The following LGSN variants were observed in gnomAD, a reference collection of about 807,000 sequenced individuals.
LGSN encodes lengsin.
A neutral mutation model predicts 19.5 loss-of-function variants in LGSN; 21 were observed. The observed-to-expected ratio is 1.07, with a 90% CI of 0.76 to 1.55. The LOEUF (loss-of-function observed/expected upper bound fraction) is 1.55, where lower values mean the gene tolerates loss of function less well. Among genes scored for constraint, LGSN ranks in the 40% most tolerant of loss-of-function variants. The pLI, the probability that LGSN is intolerant of heterozygous loss-of-function variation, is 0.00. For synonymous variants in LGSN, 257 were observed against 215.6 expected, an observed-to-expected ratio of 1.19 and a Z score of -1.68; for missense variants, 673 against 608.5, an observed-to-expected ratio of 1.11 and a Z score of -1.12.
chr6:63,386,254 T>G, the LGSN span, among the ~76,000 whole-genome samples: 1 of 152,174 alleles, frequency 6.6e-6, no homozygotes, highest in African/African-American at 2.4e-5. Flanking sequence ...TAGAGCTTAA[T>G]CTATAATCCA....
chr6:63,453,181 T>G, the LGSN span, among the ~76,000 whole-genome samples: 2 of 152,172 alleles, frequency 1.3e-5, no homozygotes, highest in African/African-American at 4.8e-5. Flanking sequence ...TCAATTCAGT[T>G]AAGTTTAATG....
chr6:63,455,412 A>G, the LGSN span, among the ~76,000 whole-genome samples: 243 of 152,350 alleles, frequency 1.6e-3, 1 homozygote, highest in Non-Finnish European at 2.9e-3. Flanking sequence ...ATTTTAATAT[A>G]AATTCTCGTA....
At chr6:63,432,659 T>G in the LGSN span, among the ~76,000 whole-genome samples, 1 of 151,246 alleles carries the variant, frequency 6.6e-6, no homozygotes, top group East Asian at 1.9e-4. Flanking sequence ...ACCACTGCAC[T>G]GGAGCCTGGG....
At chr6:63,422,861 A>G in the LGSN span, among the ~76,000 whole-genome samples, 1 of 152,226 alleles carries the variant, frequency 6.6e-6, no homozygotes, top group Non-Finnish European at 1.5e-5. Context: ...TTCACTCCTA[A>G]TGTATCAATA....
chr6:63,453,104 T>A, the LGSN span, among the ~76,000 whole-genome samples: 9 of 152,302 alleles, frequency 5.9e-5, no homozygotes, highest in African/African-American at 2.2e-4. Context: ...TTTTAATATA[T>A]CTTTCTGTAA....
intron 2 of LGSN, chr6:63,293,701 TG>T: frequency 2.2e-6 from 1 of 455,906 alleles, no homozygotes; most frequent in South Asian, 1.6e-5. Flanking sequence ...CCAGGAACAT[TG>T]GTTGTTGTTC....
At chr6:63,350,849 A>C in the LGSN span, among the ~76,000 whole-genome samples, 1 of 152,066 alleles carries the variant, frequency 6.6e-6, no homozygotes, top group South Asian at 2.1e-4. Flanking sequence ...CATCTAAAAA[A>C]AAAAAAACAA....
chr6:63,422,995 T>C, the LGSN span, among the ~76,000 whole-genome samples: 4 of 152,172 alleles, frequency 2.6e-5, no homozygotes, highest in African/African-American at 9.6e-5. Flanking sequence ...AGTAAAATGA[T>C]AGAAAAAATA....
the LGSN span, among the ~76,000 whole-genome samples, chr6:63,387,330 C>T: frequency 5.3e-5 from 8 of 151,918 alleles, no homozygotes; most frequent in Non-Finnish European, 1.0e-4. Flanking sequence ...GAATACATAA[C>T]GATGCATTTT....
the LGSN span, among the ~76,000 whole-genome samples, chr6:63,481,062 T>C: frequency 6.7e-6 from 1 of 149,366 alleles, no homozygotes. Flanking sequence ...GAATGTCTTT[T>C]GCAGCAACTT....
At chr6:63,386,628 T>A in the LGSN span, among the ~76,000 whole-genome samples, 285 of 152,284 alleles carry the variant, frequency 1.9e-3, 1 homozygote, top group Middle Eastern at 0.014. Flanking sequence ...ATTTTAATGG[T>A]CTTGGAACTA....
chr6:63,362,002 T>C, the LGSN span, among the ~76,000 whole-genome samples: 1 of 152,190 alleles, frequency 6.6e-6, no homozygotes, highest in East Asian at 1.9e-4. Context: ...GTAAAACTAT[T>C]TGTGTTGACA....
chr6:63,370,449 C>G, the LGSN span, among the ~76,000 whole-genome samples: 1 of 152,230 alleles, frequency 6.6e-6, no homozygotes, highest in African/African-American at 2.4e-5. Flanking sequence ...GATTCCCACA[C>G]TCATGTAAGC....
chr6:63,478,484 C>A, the LGSN span, among the ~76,000 whole-genome samples: 3 of 104,488 alleles, frequency 2.9e-5, no homozygotes, highest in South Asian at 9.0e-4. Flanking sequence ...CTAGGACGTT[C>A]TGAAAAAAAA....
chr6:63,510,718 G>A, the LGSN span, among the ~76,000 whole-genome samples: 1 of 141,756 alleles, frequency 7.1e-6, no homozygotes, highest in Non-Finnish European at 1.5e-5. Flanking sequence ...CTGTCACCCA[G>A]GCTGGAGTGC....
At chr6:63,291,966 GA>G (rs2127386749) in intron 2 of LGSN, among the ~76,000 whole-genome samples, 1 of 152,330 alleles carries the variant, frequency 6.6e-6, no homozygotes, top group African/African-American at 2.4e-5. Flanking sequence ...GGATGTGGAA[GA>G]AGGGGAATTC....
the LGSN span, among the ~76,000 whole-genome samples, chr6:63,505,097 A>G: frequency 1.3e-5 from 2 of 151,338 alleles, no homozygotes; most frequent in Non-Finnish European, 2.9e-5. Flanking sequence ...TTATTGTCCT[A>G]TATTGGCTAG....
chr6:63,518,347 C>T, the LGSN span, among the ~76,000 whole-genome samples: 1 of 152,082 alleles, frequency 6.6e-6, no homozygotes, highest in African/African-American at 2.4e-5. Flanking sequence ...CCTAAACTAA[C>T]AGCTTAGGTA....
the LGSN span, among the ~76,000 whole-genome samples, chr6:63,452,334 A>G: frequency 1.3e-5 from 2 of 152,090 alleles, no homozygotes; most frequent in East Asian, 3.9e-4. Flanking sequence ...CTGCAACCTC[A>G]AGCTCGTGGG....
Sources: allele counts gnomAD v4.1 joint callset (sites outside exome capture counted in the v4.1 genomes callset), GRCh38; gene constraint gnomAD v4.1.1; transcripts MANE v1.5; gene names NCBI Gene and HGNC (gene_info 2026-07-23, HGNC 2026-07-21).